The following MRAS variants were observed in gnomAD, a reference collection of about 807,000 sequenced individuals.
MRAS encodes the protein ras-related protein M-Ras.
A neutral mutation model predicts 20.9 loss-of-function variants in MRAS; 4 were observed. That is an observed-to-expected ratio of 0.19 (90% confidence interval 0.09 to 0.44). MRAS has a LOEUF of 0.44. Ranked by LOEUF, MRAS falls within the 20% of genes least tolerant of loss-of-function variation. The pLI, the probability that MRAS is intolerant of heterozygous loss-of-function variation, is 0.99. For missense variants in MRAS, 154 were observed against 277.5 expected (o/e 0.56, Z 3.16); for synonymous variants, 98 against 102.9 (o/e 0.95, Z 0.29).
At chr3:138,355,874 A>G (rs2054320929) in intron 1 of MRAS, among the ~76,000 whole-genome samples, 1 of 152,188 alleles carries the variant, frequency 6.6e-6, no homozygotes, top group Non-Finnish European at 1.5e-5. Context: ...GAGGTTGCAG[A>G]GAGCTGAGAT....
At chr3:138,393,292 C>T (rs1006258388) in intron 2 of MRAS, among the ~76,000 whole-genome samples, 2 of 151,938 alleles carry the variant, frequency 1.3e-5, no homozygotes, top group Admixed American at 6.6e-5. Context: ...CTCAAACTCC[C>T]GGCCTAAAAC....
At chr3:138,359,276 G>C (rs928918699) in intron 1 of MRAS, among the ~76,000 whole-genome samples, 1 of 152,166 alleles carries the variant, frequency 6.6e-6, no homozygotes, top group Non-Finnish European at 1.5e-5. Context: ...CCCACCTCCA[G>C]CCTGGTTCAC....
intron 1 of MRAS, among the ~76,000 whole-genome samples, chr3:138,370,296 G>A (rs1201859030): frequency 6.6e-6 from 1 of 152,206 alleles, no homozygotes; most frequent in African/African-American, 2.4e-5. Flanking sequence ...TCCCGTCTGG[G>A]TGACAGTAGC....
At chr3:138,380,138 T>C (rs551357033) in intron 2 of MRAS, among the ~76,000 whole-genome samples, 1 of 152,316 alleles carries the variant, frequency 6.6e-6, no homozygotes, top group South Asian at 2.1e-4. Flanking sequence ...CTGCTATCCA[T>C]TTGTTTGTCT....
At chr3:138,378,913 G>C (rs2054841669) in intron 2 of MRAS, among the ~76,000 whole-genome samples, 1 of 151,830 alleles carries the variant, frequency 6.6e-6, no homozygotes, top group Non-Finnish European at 1.5e-5. Flanking sequence ...CCACTATTCT[G>C]CTTGCTCCCT....
intron 2 of MRAS, 80 bp from the exon 3 acceptor site, chr3:138,397,244 C>CAGCAGT (rs2108561315): frequency 1.3e-6 from 2 of 1,522,148 alleles, no homozygotes; most frequent in Non-Finnish European, 8.9e-7. Context: ...ACAGCAGCAG[C>CAGCAGT]AGCAGTGTTG....
At position 138,350,942 on chromosome 3, in the gene MRAS, CAAAAA is replaced by C. The variant is rs66738068; in HGVS notation, c.-19+2193_-19+2197del. ...TGGGTGACAGAGCAAGACCCTGTCT[CAAAAA>C]AAAAAAAAAAAAAAAAAGTGACAAG... is the stretch of plus-strand genomic sequence containing the variant. On this transcript the variant is annotated intron_variant, in intron 1 of 5. Transcript: ENST00000423968. Among the ~76,000 whole-genome samples the C allele has an allele frequency of 4.4e-5, 3 of 68,030 alleles. No homozygotes were observed. The East Asian group carries it at 1.1e-3, about 25-fold the overall frequency. The allele number at this position is 68,030 out of a possible 152,430, so 44.6% of individuals were successfully genotyped here. A position where few individuals can be genotyped will look rare whatever the true frequency, so the allele number is the denominator to read the frequency against.
intron 1 of MRAS, among the ~76,000 whole-genome samples, chr3:138,367,055 A>G (rs1267759932): frequency 6.6e-6 from 1 of 152,184 alleles, no homozygotes; most frequent in African/African-American, 2.4e-5. Context: ...GGTAAGACCC[A>G]CTGAGCCCTG....
At chr3:138,361,588 C>A (rs937136871) in intron 1 of MRAS, among the ~76,000 whole-genome samples, 1 of 152,148 alleles carries the variant, frequency 6.6e-6, no homozygotes, top group Non-Finnish European at 1.5e-5. Flanking sequence ...CTGGCTGAAT[C>A]CAGTTTGTGC....
chr3:138,347,931 G>A (rs958170337), upstream of MRAS: 1 of 152,198 alleles, frequency 6.6e-6, no homozygotes, highest in Non-Finnish European at 1.5e-5. Flanking sequence ...TTATGGTGTT[G>A]AATTATATCT....
intron 4 of MRAS, 75 bp downstream of exon 4, chr3:138,398,643 G>T: frequency 1.5e-6 from 2 of 1,336,306 alleles, no homozygotes; most frequent in Non-Finnish European, 2.1e-6. Context: ...TGCAGTCCTG[G>T]TCTTTGGAAA....
intron 1 of MRAS, among the ~76,000 whole-genome samples, chr3:138,355,190 G>T (rs1312948975): frequency 6.6e-6 from 1 of 152,122 alleles, no homozygotes; most frequent in Admixed American, 6.6e-5. Flanking sequence ...TTCCCTTCCT[G>T]CAGCTTTCAC....
chr3:138,380,361 G>A (rs944891774), intron 2 of MRAS, among the ~76,000 whole-genome samples: 8 of 151,964 alleles, frequency 5.3e-5, no homozygotes, highest in South Asian at 2.1e-4. Context: ...CACCCAGGCC[G>A]GAATGCAGTG....
intron 3 of MRAS, among the ~76,000 whole-genome samples, chr3:138,397,858 G>T (rs1318922663): frequency 6.6e-6 from 1 of 152,124 alleles, no homozygotes; most frequent in Non-Finnish European, 1.5e-5. Flanking sequence ...GTTTTACTCC[G>T]AATACATGAA....
At chr3:138,351,447 G>A (rs1382852052) in intron 1 of MRAS, among the ~76,000 whole-genome samples, 1 of 152,152 alleles carries the variant, frequency 6.6e-6, no homozygotes, top group Non-Finnish European at 1.5e-5. Context: ...AGCTGGAGGA[G>A]TTCCCTGAGA....
At chr3:138,353,559 T>A (rs1263470406) in intron 1 of MRAS, among the ~76,000 whole-genome samples, 1 of 152,202 alleles carries the variant, frequency 6.6e-6, no homozygotes, top group Non-Finnish European at 1.5e-5. Flanking sequence ...CCTTTGACAG[T>A]CCTGCTTTTC....
rs2055428208 is a variant in MRAS at position 138,404,894 on chromosome 3, G to A, written c.*2625G>A. ...GTTTGACATCCTCATGTTCCCGTTG[G>A]TCTTCCGGAGAATAGTGCTACCCTC... On this transcript the variant is annotated 3_prime_UTR_variant, in exon 6 of 6. Transcript: ENST00000423968. 1 of 152,164 alleles carries A rather than the reference G, an allele frequency of 6.6e-6. No individual in the cohort carries two copies. 9.4% of individuals were successfully genotyped at this position (152,164 alleles called of 1,614,324 possible).
intron 2 of MRAS, among the ~76,000 whole-genome samples, chr3:138,382,427 T>C (rs975688491): frequency 6.6e-6 from 1 of 152,180 alleles, no homozygotes; most frequent in Non-Finnish European, 1.5e-5. Flanking sequence ...TTCTGTGAAA[T>C]TGAGATTAGT....
At chr3:138,375,147 A>G (rs1359447453) in intron 2 of MRAS, among the ~76,000 whole-genome samples, 2 of 152,256 alleles carry the variant, frequency 1.3e-5, no homozygotes, top group Middle Eastern at 3.4e-3. Context: ...TCAGCCTCCC[A>G]AAGTGCTGGG....
Sources: gnomAD v4.1 joint callset for allele counts (sites outside exome capture counted in the v4.1 genomes callset) on GRCh38, gnomAD v4.1.1 for gene constraint, MANE v1.5 for transcripts, NCBI Gene and HGNC (gene_info 2026-07-23, HGNC 2026-07-21) for gene names.